ZFPM2: variants seen among roughly 807,000 people sequenced by gnomAD.
The protein encoded by ZFPM2 is zinc finger protein ZFPM2.
Under a neutral mutation model 98.6 loss-of-function variants are expected in ZFPM2, and 20 were observed. That is an observed-to-expected ratio of 0.20 (90% confidence interval 0.14 to 0.29). The LOEUF is 0.29. Ranked by LOEUF, ZFPM2 falls within the 10% of genes least tolerant of loss-of-function variation. The pLI, the probability that ZFPM2 is intolerant of heterozygous loss-of-function variation, is 1.00. For synonymous variants in ZFPM2, 518 were observed against 502.7 expected, an observed-to-expected ratio of 1.03 and a Z score of -0.41; for missense variants, 1,310 against 1,388.6, an observed-to-expected ratio of 0.94 and a Z score of 0.90.
chr8:105,667,062 A>C (rs532590310), intron 5 of ZFPM2, among the ~76,000 whole-genome samples: 47 of 152,326 alleles, frequency 3.1e-4, no homozygotes, highest in African/African-American at 1.1e-3. Flanking sequence ...ATTTGAAAGA[A>C]TGTCTGACAT....
intron 5 of ZFPM2, among the ~76,000 whole-genome samples, chr8:105,636,814 G>A (rs775830259): frequency 7.2e-5 from 11 of 152,156 alleles, no homozygotes; most frequent in Non-Finnish European, 1.3e-4. Context: ...ATTTGGCATC[G>A]TTCAACTTAC....
chr8:105,679,632 A>G (rs1268748750), intron 5 of ZFPM2, among the ~76,000 whole-genome samples: 2 of 151,916 alleles, frequency 1.3e-5, no homozygotes, highest in African/African-American at 4.8e-5. Flanking sequence ...CATCTCTCAA[A>G]AAAAACAAAA....
intron 5 of ZFPM2, among the ~76,000 whole-genome samples, chr8:105,677,232 C>T (rs1177268753): frequency 6.7e-6 from 1 of 149,546 alleles, no homozygotes; most frequent in Admixed American, 6.6e-5. Context: ...TTTTTTAAGA[C>T]AAACATAATA....
intron 5 of ZFPM2, among the ~76,000 whole-genome samples, chr8:105,694,547 G>T (rs1159318127): frequency 1.3e-5 from 2 of 152,012 alleles, no homozygotes; most frequent in African/African-American, 4.8e-5. Flanking sequence ...TATGAATATT[G>T]TCTAAAAACT....
intron 5 of ZFPM2, among the ~76,000 whole-genome samples, chr8:105,715,351 G>A (rs1811496660): frequency 6.7e-6 from 1 of 148,662 alleles, no homozygotes; most frequent in Admixed American, 6.8e-5. Context: ...AGAGAGCTGC[G>A]ATTGTCCCAC....
chr8:105,484,974 A>G (rs1161042158), intron 3 of ZFPM2, among the ~76,000 whole-genome samples: 2 of 152,238 alleles, frequency 1.3e-5, no homozygotes, highest in African/African-American at 4.8e-5. Context: ...CCAAACCCTG[A>G]TAAAGACAGA....
chr8:105,728,223 T>A (rs1811858616), intron 5 of ZFPM2, among the ~76,000 whole-genome samples: 1 of 151,718 alleles, frequency 6.6e-6, no homozygotes, highest in Admixed American at 6.6e-5. Flanking sequence ...ATAGACCCTA[T>A]GATGGAATTT....
chr8:105,560,557 C>T (rs1264995008), intron 3 of ZFPM2, among the ~76,000 whole-genome samples: 1 of 147,460 alleles, frequency 6.8e-6, no homozygotes, highest in African/African-American at 2.5e-5. Context: ...TCCCAAACAA[C>T]ATTTAAGCTA....
chr8:105,545,878 T>C (rs1195775797), intron 3 of ZFPM2, among the ~76,000 whole-genome samples: 1 of 152,214 alleles, frequency 6.6e-6, no homozygotes, highest in Non-Finnish European at 1.5e-5. Context: ...TTCCTTATTT[T>C]CTCCTTTCTG....
At chr8:105,494,933 CTTTA>C (rs1370810338) in intron 3 of ZFPM2, among the ~76,000 whole-genome samples, 3 of 152,268 alleles carry the variant, frequency 2.0e-5, no homozygotes, top group East Asian at 1.9e-4. Flanking sequence ...AAATTCAAAA[CTTTA>C]TTTGTGGACA....
At chr8:105,734,242 C>G (rs1189183503) in intron 5 of ZFPM2, among the ~76,000 whole-genome samples, 1 of 151,884 alleles carries the variant, frequency 6.6e-6, no homozygotes, top group East Asian at 1.9e-4. Context: ...TGACATATCC[C>G]TATGTGCCCC....
At chr8:105,341,863 A>G (rs1195600175) in intron 1 of ZFPM2, among the ~76,000 whole-genome samples, 1 of 152,030 alleles carries the variant, frequency 6.6e-6, no homozygotes, top group Non-Finnish European at 1.5e-5. Flanking sequence ...CTGAAATGTT[A>G]TAGTTTTGTA....
At chr8:105,464,528 A>G (rs745338292) in intron 3 of ZFPM2, among the ~76,000 whole-genome samples, 1 of 152,156 alleles carries the variant, frequency 6.6e-6, no homozygotes, top group African/African-American at 2.4e-5. Flanking sequence ...AGAGAAAACC[A>G]TCAGTCAGGA....
chr8:105,593,323 A>G (rs1815891268), intron 4 of ZFPM2, among the ~76,000 whole-genome samples: 4 of 152,136 alleles, frequency 2.6e-5, no homozygotes, highest in Admixed American at 2.6e-4. Context: ...TTAATGAGGC[A>G]TAATACTTCA....
At chr8:105,444,610 C>A (rs901060742) in intron 3 of ZFPM2, among the ~76,000 whole-genome samples, 2 of 151,938 alleles carry the variant, frequency 1.3e-5, no homozygotes, top group Non-Finnish European at 2.9e-5. Context: ...TTTTTTCTTT[C>A]ATCTTCATGT....
At chr8:105,482,581 A>C (rs1223800482) in intron 3 of ZFPM2, among the ~76,000 whole-genome samples, 1 of 152,056 alleles carries the variant, frequency 6.6e-6, no homozygotes, top group Admixed American at 6.6e-5. Context: ...GCAGACATAA[A>C]TTTTATTTCT....
At chr8:105,757,128 G>T (rs540182870) in intron 5 of ZFPM2, among the ~76,000 whole-genome samples, 1 of 152,224 alleles carries the variant, frequency 6.6e-6, no homozygotes, top group East Asian at 1.9e-4. Flanking sequence ...GGGAAATATA[G>T]TCCAACCATT....
chr8:105,760,433 C>A (rs1812709018), intron 5 of ZFPM2, among the ~76,000 whole-genome samples: 1 of 151,974 alleles, frequency 6.6e-6, no homozygotes, highest in Non-Finnish European at 1.5e-5. Context: ...ATGGACATAT[C>A]CAAAGTCTAA....
chr8:105,361,381 C>T (rs1329501050), intron 1 of ZFPM2, among the ~76,000 whole-genome samples: 1 of 148,520 alleles, frequency 6.7e-6, no homozygotes, highest in African/African-American at 2.5e-5. Context: ...AGCCCTTTGT[C>T]AGATGAGTAG....
Sources: allele counts gnomAD v4.1 joint callset (sites outside exome capture counted in the v4.1 genomes callset), GRCh38; gene constraint gnomAD v4.1.1; transcripts MANE v1.5; gene names NCBI Gene and HGNC (gene_info 2026-07-23, HGNC 2026-07-21).